Variants in HAUS8 observed in about 807,000 individuals in gnomAD.
HAUS8 encodes the protein HAUS augmin like complex subunit 8.
HAUS8 carries 38 observed loss-of-function variants against 42.9 expected under a neutral mutation model. The ratio of observed to expected loss-of-function variants is 0.89; its 90% confidence interval spans 0.68 to 1.16. The LOEUF is 1.16. Ranked by LOEUF, HAUS8 falls within the 50% of genes most tolerant of loss-of-function variation. HAUS8 has a pLI of 0.00. For synonymous variants in HAUS8, 199 were observed against 205.8 expected (o/e 0.97, Z 0.28); for missense variants, 494 against 511.6 (o/e 0.97, Z 0.33).
rs113956246 is a variant in HAUS8 at position 17,052,743 on chromosome 19, C to T, written c.929+82G>A. ...CCTCCTCTGAACTCCTAGAGGAACT[C>T]GGCACCACCCCAACAGTGCAGCCAC... On this transcript the variant is annotated intron_variant, in intron 10 of 10. Transcript: ENST00000253669. The T allele has an allele frequency of 7.5e-4, 1,112 of 1,486,786 alleles. 3 individuals are homozygous for T. The African/African-American group carries it at 0.013, about 17-fold the overall frequency. 92.1% of individuals were successfully genotyped at this position (1,486,786 alleles called of 1,614,324 possible).
intron 1 of HAUS8, 92 bp from the exon 2 acceptor site, chr19:17,073,427 A>G (rs2057440796): frequency 8.4e-7 from 1 of 1,184,722 alleles, no homozygotes; most frequent in African/African-American, 1.5e-5. Context: ...AAGCTCAGAC[A>G]GCCCAGTCCA....
intron 4 of HAUS8, chr19:17,060,322 C>A: frequency 2.1e-6 from 1 of 475,448 alleles, no homozygotes; most frequent in Non-Finnish European, 3.7e-6. Flanking sequence ...TTCTGTATAA[C>A]CAAAGAGACG....
rs749507073 is a variant in HAUS8 at position 17,050,155 on chromosome 19, T to C, written c.951A>G (p.Glu317=). The C allele has an allele frequency of 4.6e-6, 7 of 1,514,080 alleles. No individual in the cohort carries two copies. In the Admixed American group the frequency reaches 1.6e-4, roughly 34 times the overall value. 93.8% of individuals were successfully genotyped at this position (1,514,080 alleles called of 1,614,324 possible). ...CCTCTTTGCTTGCCTCTGCGGAGAGTTCCAGCACCTGGGCAAAGCTCCTGT... is the reference window on the plus strand; with the variant it reads ...CCTCTTTGCTTGCCTCTGCGGAGAGCTCCAGCACCTGGGCAAAGCTCCTGT... ...ELRRSFAQVL[E]LSAEASKEAA... is the part of the protein sequence containing the mutation. Residue 317 remains glutamate (E), a synonymous_variant, in exon 11 of 11, where the codon GAA becomes GAG. Coordinates refer to ENST00000253669, the MANE Select transcript of HAUS8 (RefSeq NM_033417.2).
intron 2 of HAUS8, among the ~76,000 whole-genome samples, chr19:17,070,869 C>T (rs532600878): frequency 3.4e-4 from 52 of 152,146 alleles, no homozygotes; most frequent in African/African-American, 1.2e-3. Context: ...CAGGAGTTCG[C>T]GATCAGCCTG....
At chr19:17,052,683 G>A (rs763359620) in intron 10 of HAUS8, 142 bp downstream of exon 10, 101 of 800,372 alleles carry the variant, frequency 1.3e-4, no homozygotes, top group Middle Eastern at 7.1e-4. Flanking sequence ...ATCATGCAGC[G>A]TCTGGGAAAA....
At chr19:17,065,849 T>C (rs1215499060) in intron 3 of HAUS8, among the ~76,000 whole-genome samples, 1 of 150,058 alleles carries the variant, frequency 6.7e-6, no homozygotes, top group East Asian at 1.9e-4. Flanking sequence ...AGCACAGAGC[T>C]TGGAGAGACT....
chr19:17,055,734 C>A (rs1372548542), intron 9 of HAUS8, 127 bp downstream of exon 9: 46 of 1,029,354 alleles, frequency 4.5e-5, no homozygotes, highest in Non-Finnish European at 6.0e-5. Context: ...CCTGGCCAGC[C>A]CTCCCCATCC....
intron 6 of HAUS8, 70 bp downstream of exon 6, chr19:17,059,487 G>A: frequency 1.8e-6 from 2 of 1,084,964 alleles, no homozygotes; most frequent in Non-Finnish European, 2.8e-6. Flanking sequence ...CTCAGCATCT[G>A]GTTCAGAGTG....
intron 4 of HAUS8, among the ~76,000 whole-genome samples, chr19:17,061,015 TAAC>T (rs2057357331): frequency 6.6e-6 from 1 of 152,136 alleles, no homozygotes; most frequent in African/African-American, 2.4e-5. Context: ...GGGTACAATA[TAAC>T]AACGATTTGT....
In HAUS8 at chr19:17,052,931, G is replaced by A; in HGVS notation, c.823C>T (p.Leu275Phe). The A allele has an allele frequency of 6.2e-7, 1 of 1,614,208 alleles. No homozygotes were observed. ...LQHELVTTQR[L>F]LGELDVGDSE... ...TCACCAACATCAAGTTCTCCCAGGA[G>A]GCGCTGAGTGGTCACCAGTTCATGC... The change falls in exon 10 of 11, where the codon CTC (leucine) becomes TTC (phenylalanine). Residue 275 changes from leucine (L) to phenylalanine (F), a missense_variant. Leu to Phe is a conservative substitution (Grantham distance 22). Transcript: ENST00000253669.
At position 17,062,352 on chromosome 19, in the gene HAUS8, G is replaced by A. The variant is rs2057365892; in HGVS notation, c.229+346C>T. Among the ~76,000 whole-genome samples the A allele has an allele frequency of 3.3e-5, 5 of 152,134 alleles. No individual in the cohort carries two copies. The South Asian group carries it at 1.0e-3, about 31-fold the overall frequency. ...TCACTATGTTGGCCAGGTTGGTCTC[G>A]AACTCCCGACCTCAGGATGAGTCCT... On this transcript the variant is annotated intron_variant, in intron 4 of 10. Coordinates refer to ENST00000253669, the MANE Select transcript of HAUS8 (RefSeq NM_033417.2).
At chr19:17,060,389 T>C in intron 4 of HAUS8, 1 of 308,118 alleles carries the variant, frequency 3.2e-6, no homozygotes, top group Non-Finnish European at 6.0e-6. Context: ...GATGCCATAT[T>C]CCCATTCTAC....
chr19:17,058,178 C>G (rs1185509856), intron 8 of HAUS8, among the ~76,000 whole-genome samples: 4 of 152,234 alleles, frequency 2.6e-5, no homozygotes, highest in African/African-American at 9.6e-5. Context: ...TGTCCTTCTC[C>G]CACATGGACA....
intron 3 of HAUS8, among the ~76,000 whole-genome samples, chr19:17,067,336 C>T (rs1245360329): frequency 2.0e-5 from 3 of 152,058 alleles, no homozygotes; most frequent in Admixed American, 6.6e-5. Flanking sequence ...ATATGACCTT[C>T]TAAAAAAGGC....
At chr19:17,075,219 G>T in intron 1 of HAUS8, 175 bp downstream of exon 1, 1 of 692,972 alleles carries the variant, frequency 1.4e-6, no homozygotes, top group Non-Finnish European at 2.5e-6. Context: ...TCGGGTGTCA[G>T]CGCTCCGGAG....
At chr19:17,071,476 C>T (rs1173362956) in intron 2 of HAUS8, among the ~76,000 whole-genome samples, 1 of 152,050 alleles carries the variant, frequency 6.6e-6, no homozygotes, top group Non-Finnish European at 1.5e-5. Flanking sequence ...AGGTGGGGTC[C>T]CAGGGACAAC....
intron 4 of HAUS8, 190 bp from the exon 5 acceptor site, chr19:17,060,282 T>G (rs1341398759): frequency 3.7e-6 from 2 of 547,452 alleles, no homozygotes; most frequent in African/African-American, 3.8e-5. Context: ...CTTGACTCTA[T>G]TTTTAAAGTA....
At chr19:17,053,234 A>G (rs998027225) in intron 9 of HAUS8, 6 of 490,422 alleles carry the variant, frequency 1.2e-5, no homozygotes, top group Non-Finnish European at 2.2e-5. Flanking sequence ...ACAGAAACCA[A>G]TGCAAATGTG....
At chr19:17,055,316 G>A (rs1599972368) in intron 9 of HAUS8, among the ~76,000 whole-genome samples, 1 of 130,460 alleles carries the variant, frequency 7.7e-6, no homozygotes, top group East Asian at 2.1e-4. Context: ...CTCCAGCCTG[G>A]GCGACACAGC....
Sources: gnomAD v4.1 joint callset for allele counts (sites outside exome capture counted in the v4.1 genomes callset) on GRCh38, gnomAD v4.1.1 for gene constraint, MANE v1.5 for transcripts, NCBI Gene and HGNC (gene_info 2026-07-23, HGNC 2026-07-21) for gene names.